The following CELF1 variants were observed in gnomAD, a reference collection of about 807,000 sequenced individuals.
CELF1 encodes 50 kDa nuclear polyadenylated RNA-binding protein.
Under a neutral mutation model 61.8 loss-of-function variants are expected in CELF1, and 10 were observed. The observed-to-expected ratio is 0.16, with a 90% CI of 0.10 to 0.27. The LOEUF (loss-of-function observed/expected upper bound fraction) is 0.27, where lower values mean the gene tolerates loss of function less well. Among genes scored for constraint, CELF1 ranks in the 10% least tolerant of loss-of-function variants. CELF1 has a pLI of 1.00. For missense variants in CELF1, 380 were observed against 639.1 expected (o/e 0.59, Z 4.37); for synonymous variants, 236 against 225.1 (o/e 1.05, Z -0.43).
intron 7 of CELF1, among the ~76,000 whole-genome samples, 192 bp downstream of exon 7, chr11:47,484,197 A>T (rs2085214343): frequency 1.3e-5 from 2 of 151,898 alleles, no homozygotes; most frequent in African/African-American, 4.8e-5. Context: ...GCTGGGTGTC[A>T]TGATGCATGC....
chr11:47,494,860 G>C (rs1299458065), intron 3 of CELF1, among the ~76,000 whole-genome samples: 1 of 152,206 alleles, frequency 6.6e-6, no homozygotes, highest in Non-Finnish European at 1.5e-5. Context: ...TTCTTCAGTT[G>C]CACTTGCCAC....
intron 1 of CELF1, among the ~76,000 whole-genome samples, chr11:47,519,520 TAA>T (rs2095755400): frequency 6.9e-6 from 1 of 144,418 alleles, no homozygotes; most frequent in Non-Finnish European, 1.6e-5. Context: ...AATAAATAAA[TAA>T]ATAAGGTACT....
chr11:47,483,109 C>CA (rs2084380999), intron 8 of CELF1, among the ~76,000 whole-genome samples: 2 of 151,704 alleles, frequency 1.3e-5, no homozygotes, highest in South Asian at 4.2e-4. Context: ...AAAAAAAATA[C>CA]AAAAATTAAC....
intron 1 of CELF1, among the ~76,000 whole-genome samples, chr11:47,541,721 AG>A (rs2096790126): frequency 3.8e-4 from 8 of 21,234 alleles, no homozygotes; most frequent in African/African-American, 5.9e-4. Flanking sequence ...AAAGAAAGAA[AG>A]AAAGAACGAA....
intron 1 of CELF1, among the ~76,000 whole-genome samples, chr11:47,548,508 G>GA (rs567029060): frequency 8.3e-4 from 126 of 152,254 alleles, no homozygotes; most frequent in African/African-American, 2.9e-3. Flanking sequence ...TCGACAAAGT[G>GA]AAAGACAAAT....
intron 2 of CELF1, among the ~76,000 whole-genome samples, chr11:47,500,615 T>C (rs1189704862): frequency 6.6e-6 from 1 of 152,170 alleles, no homozygotes; most frequent in Non-Finnish European, 1.5e-5. Context: ...TTTCCTCCTT[T>C]AAACTGTTGA....
chr11:47,512,307 C>T (rs2095256765), intron 1 of CELF1, among the ~76,000 whole-genome samples: 1 of 152,084 alleles, frequency 6.6e-6, no homozygotes, highest in Admixed American at 6.6e-5. Flanking sequence ...CACTGGCCAC[C>T]AAGCCTGGCT....
chr11:47,476,657 A>G (rs969875650), intron 12 of CELF1, among the ~76,000 whole-genome samples, 189 bp downstream of exon 12: 1 of 152,126 alleles, frequency 6.6e-6, no homozygotes, highest in African/African-American at 2.4e-5. Context: ...CGATCTCCTG[A>G]CCTCGTGATT....
chr11:47,515,927 T>TTTA (rs1418194922), intron 1 of CELF1, among the ~76,000 whole-genome samples: 1 of 151,312 alleles, frequency 6.6e-6, no homozygotes, highest in African/African-American at 2.4e-5. Context: ...TACTTATTTA[T>TTTA]TTTTTTTTAG....
rs1274777008 is a variant in CELF1, at chr11:47,545,913, ATATT to A, written c.-154+7075_-154+7078del. Among the ~76,000 whole-genome samples, 427 of 124,914 alleles carry A rather than the reference ATATT, an allele frequency of 3.4e-3. 1 individual carries two copies. The highest frequency in any genetic ancestry group is 0.012 in the African/African-American group (351 of 29,108). 81.9% of individuals were successfully genotyped at this position (124,914 alleles called of 152,430 possible). On this transcript the variant is annotated intron_variant, in intron 1 of 14. Transcript: ENST00000687097. ...TGTGTGTGTGTGTGTGTGTATATAT[ATATT>A]TTTTTTTTTTTGAGATGGAGTCTCC...
chr11:47,499,286 G>T (rs1485842197), intron 3 of CELF1, among the ~76,000 whole-genome samples, 167 bp downstream of exon 3: 1 of 152,152 alleles, frequency 6.6e-6, no homozygotes, highest in Non-Finnish European at 1.5e-5. Flanking sequence ...AAGCAGTAAT[G>T]AGACAGACTA....
chr11:47,563,039 A>G (rs2097231527), intron 2 of CELF1, among the ~76,000 whole-genome samples: 1 of 151,950 alleles, frequency 6.6e-6, no homozygotes, highest in African/African-American at 2.4e-5. Context: ...CAACATAGTG[A>G]GACCCCATCG....
At chr11:47,540,150 A>G (rs1430027844) in intron 1 of CELF1, among the ~76,000 whole-genome samples, 2 of 152,232 alleles carry the variant, frequency 1.3e-5, no homozygotes, top group East Asian at 3.8e-4. Flanking sequence ...GCAGTAAGGC[A>G]GTTTCCATCC....
At chr11:47,496,424 T>C (rs113825956) in intron 3 of CELF1, among the ~76,000 whole-genome samples, 104 of 152,312 alleles carry the variant, frequency 6.8e-4, no homozygotes, top group Middle Eastern at 6.8e-3. Context: ...TGGTGCCAGA[T>C]ACTACACACT....
At chr11:47,523,517 T>C (rs1490215174) in intron 1 of CELF1, 1 of 152,178 alleles carries the variant, frequency 6.6e-6, no homozygotes, top group Non-Finnish European at 1.5e-5. Context: ...AAACCTACAA[T>C]GCACAAGGTG....
At chr11:47,501,750 G>A (rs1156852056) in intron 1 of CELF1, among the ~76,000 whole-genome samples, 4 of 152,038 alleles carry the variant, frequency 2.6e-5, no homozygotes, top group African/African-American at 9.7e-5. Context: ...TTGAACCCAG[G>A]AGGCAGAGGC....
chr11:47,537,940 GT>G (rs1054433045), intron 1 of CELF1, among the ~76,000 whole-genome samples: 1 of 150,306 alleles, frequency 6.7e-6, no homozygotes, highest in African/African-American at 2.5e-5. Flanking sequence ...TTAAAGAAAG[GT>G]GTTTCACTTT....
rs907795417 is a variant in CELF1 at position 47,506,391 on chromosome 11, T to A, written c.-153-5459A>T. Among the ~76,000 whole-genome samples, 14 of 151,894 alleles carry A rather than the reference T, an allele frequency of 9.2e-5. 1 individual carries two copies. Among genetic ancestry groups the A allele is most frequent in the Non-Finnish European group, 2.1e-4 (14 of 67,958 alleles). Reference sequence around the variant, plus strand: ...TTGCAGTGAGCCAAGATCGCGCCACTGCTCTCCAGCCTGGGTGACAGAGCG... The same window carrying A: ...TTGCAGTGAGCCAAGATCGCGCCACAGCTCTCCAGCCTGGGTGACAGAGCG... On this transcript the variant is annotated intron_variant, in intron 1 of 14. Transcript: ENST00000687097.
At chr11:47,512,499 G>A (rs1318772800) in intron 1 of CELF1, among the ~76,000 whole-genome samples, 2 of 141,784 alleles carry the variant, frequency 1.4e-5, no homozygotes, top group African/African-American at 5.3e-5. Context: ...ACTCTGCCCA[G>A]CTAATTTTTT....
Sources: allele counts gnomAD v4.1 joint callset (sites outside exome capture counted in the v4.1 genomes callset), GRCh38; gene constraint gnomAD v4.1.1; transcripts MANE v1.5; gene names NCBI Gene and HGNC (gene_info 2026-07-23, HGNC 2026-07-21).